PTPRM: variants seen among roughly 807,000 people sequenced by gnomAD.
PTPRM encodes receptor-type tyrosine-protein phosphatase mu.
PTPRM carries 47 observed loss-of-function variants against 186.7 expected under a neutral mutation model. The observed-to-expected ratio is 0.25, with a 90% CI of 0.20 to 0.32. PTPRM has a LOEUF of 0.32. Ranked by LOEUF, PTPRM falls within the 10% of genes least tolerant of loss-of-function variation. PTPRM has a pLI of 1.00. For synonymous variants in PTPRM, 668 were observed against 674.9 expected, an observed-to-expected ratio of 0.99 and a Z score of 0.16; for missense variants, 1,494 against 1,865.0, an observed-to-expected ratio of 0.80 and a Z score of 3.66.
chr18:7,899,933 G>T (rs973699916), intron 3 of PTPRM, among the ~76,000 whole-genome samples: 1 of 152,188 alleles, frequency 6.6e-6, no homozygotes, highest in South Asian at 2.1e-4. Flanking sequence ...CCACACATGT[G>T]ATATAATTGA....
chr18:7,702,657 G>A (rs2039991774), intron 1 of PTPRM, among the ~76,000 whole-genome samples: 1 of 152,188 alleles, frequency 6.6e-6, no homozygotes, highest in African/African-American at 2.4e-5. Flanking sequence ...TGTTCACTCT[G>A]ATGATAGTTT....
At chr18:8,309,783 C>T (rs1432904978) in intron 20 of PTPRM, among the ~76,000 whole-genome samples, 2 of 152,170 alleles carry the variant, frequency 1.3e-5, no homozygotes, top group African/African-American at 2.4e-5. Flanking sequence ...ATCCTCCTGC[C>T]TCGGCCTCCC....
intron 1 of PTPRM, among the ~76,000 whole-genome samples, chr18:7,712,071 A>G (rs1354985376): frequency 6.6e-6 from 1 of 152,046 alleles, no homozygotes; most frequent in East Asian, 1.9e-4. Flanking sequence ...ACTGGGAGAC[A>G]CCTCCCAGCA....
chr18:7,923,912 G>C (rs2051018798), intron 4 of PTPRM, among the ~76,000 whole-genome samples: 1 of 152,152 alleles, frequency 6.6e-6, no homozygotes, highest in African/African-American at 2.4e-5. Context: ...CTATGTAGAA[G>C]TTCCTTCAAA....
chr18:8,398,139 G>C (rs1041781646), intron 32 of PTPRM, among the ~76,000 whole-genome samples: 9 of 151,352 alleles, frequency 5.9e-5, no homozygotes, highest in Admixed American at 5.2e-4. Context: ...TGCCTGGCTG[G>C]TTTTTTATTT....
chr18:7,597,667 G>A (rs1300522242), intron 1 of PTPRM, among the ~76,000 whole-genome samples: 1 of 152,152 alleles, frequency 6.6e-6, no homozygotes, highest in Non-Finnish European at 1.5e-5. Context: ...GGGTAGGCAG[G>A]AATCATGAAG....
At chr18:7,849,394 A>G (rs1035275844) in intron 2 of PTPRM, among the ~76,000 whole-genome samples, 1 of 152,234 alleles carries the variant, frequency 6.6e-6, no homozygotes, top group Admixed American at 6.5e-5. Context: ...TAGCAAAGAG[A>G]ATGAATCCTA....
rs566709614 is a variant in PTPRM at position 8,247,477 on chromosome 18, T to G, written c.2453-368T>G. Among the ~76,000 whole-genome samples, 19 of 152,362 alleles carry G rather than the reference T, an allele frequency of 1.2e-4. No homozygotes were observed. In the South Asian group the frequency reaches 3.9e-3, roughly 32 times the overall value. On this transcript the variant is annotated intron_variant, in intron 15 of 32. Coordinates refer to ENST00000580170, the MANE Select transcript of PTPRM (RefSeq NM_001105244.2). ...GGGAATCGTCTCCAAAAGCCATGTG[T>G]AGACACCTTCTTCTACTTTTACTTG... is the stretch of plus-strand genomic sequence containing the variant.
intron 7 of PTPRM, among the ~76,000 whole-genome samples, chr18:7,976,841 T>C (rs1377308073): frequency 6.6e-6 from 1 of 152,088 alleles, no homozygotes; most frequent in Non-Finnish European, 1.5e-5. Context: ...TTGGGTAAGA[T>C]TTATTTCTTT....
At chr18:8,109,695 G>A (rs1334814171) in intron 11 of PTPRM, among the ~76,000 whole-genome samples, 2 of 152,114 alleles carry the variant, frequency 1.3e-5, no homozygotes, top group African/African-American at 4.8e-5. Context: ...CAAACATTGT[G>A]TTGTTTAAGG....
chr18:8,268,913 AG>A (rs1397018930), intron 19 of PTPRM, among the ~76,000 whole-genome samples: 1 of 152,080 alleles, frequency 6.6e-6, no homozygotes, highest in African/African-American at 2.4e-5. Context: ...TGTGTATAGA[AG>A]GAATATACCT....
chr18:8,159,854 T>G (rs990775332), intron 14 of PTPRM, among the ~76,000 whole-genome samples: 3 of 152,146 alleles, frequency 2.0e-5, no homozygotes, highest in African/African-American at 7.2e-5. Context: ...TGAACAGCTT[T>G]GCTTTTTAAA....
intron 7 of PTPRM, among the ~76,000 whole-genome samples, chr18:7,997,311 G>A (rs1285160125): frequency 6.6e-6 from 1 of 152,112 alleles, no homozygotes; most frequent in African/African-American, 2.4e-5. Flanking sequence ...TCAAAAAATA[G>A]TGTTAAGAAA....
intron 14 of PTPRM, among the ~76,000 whole-genome samples, chr18:8,166,353 A>G (rs1265835327): frequency 6.6e-6 from 1 of 152,152 alleles, no homozygotes; most frequent in East Asian, 1.9e-4. Flanking sequence ...CACCTTGAAG[A>G]AGACCATGCC....
chr18:7,985,373 G>A lies in PTPRM; in HGVS notation c.1132+29959G>A, dbSNP rs562247982. Among the ~76,000 whole-genome samples the A allele has an allele frequency of 3.1e-4, 32 of 104,084 alleles. 2 individuals carry two copies. Among genetic ancestry groups the A allele is most frequent in the African/African-American group, 5.2e-4 (13 of 25,240 alleles). The allele number at this position is 104,084 out of a possible 152,430, so 68.3% of individuals were successfully genotyped here. A position where few individuals can be genotyped will look rare whatever the true frequency, so the allele number is the denominator to read the frequency against. On this transcript the variant is annotated intron_variant, in intron 7 of 32. Coordinates refer to ENST00000580170, the MANE Select transcript of PTPRM (RefSeq NM_001105244.2). ...AATATATACATATACTGGTATATAC[G>A]TATATAAATATATACATATACTGGT...
At chr18:7,697,898 A>T (rs1598392913) in intron 1 of PTPRM, among the ~76,000 whole-genome samples, 1 of 152,210 alleles carries the variant, frequency 6.6e-6, no homozygotes, top group Non-Finnish European at 1.5e-5. Flanking sequence ...AAATGCTCCT[A>T]AGTTCTCCTT....
chr18:8,324,749 G>C (rs1265510657), intron 22 of PTPRM, among the ~76,000 whole-genome samples: 1 of 152,142 alleles, frequency 6.6e-6, no homozygotes, highest in Non-Finnish European at 1.5e-5. Context: ...ATAAATGAGA[G>C]GAAAGGAGAC....
intron 1 of PTPRM, among the ~76,000 whole-genome samples, chr18:7,602,287 A>G (rs1240534229): frequency 6.6e-6 from 1 of 152,232 alleles, no homozygotes; most frequent in African/African-American, 2.4e-5. Flanking sequence ...GACTCCATCT[A>G]GCACAGTAAA....
intron 3 of PTPRM, among the ~76,000 whole-genome samples, chr18:7,903,274 C>T (rs1009756260): frequency 2.0e-5 from 3 of 152,182 alleles, no homozygotes; most frequent in African/African-American, 7.2e-5. Context: ...GTCTGATGAA[C>T]ATTTCTGCGT....
Sources: gnomAD v4.1 joint callset for allele counts (sites outside exome capture counted in the v4.1 genomes callset) on GRCh38, gnomAD v4.1.1 for gene constraint, MANE v1.5 for transcripts, NCBI Gene and HGNC (gene_info 2026-07-23, HGNC 2026-07-21) for gene names.